SYNPO: variants seen among roughly 807,000 people sequenced by gnomAD.
The protein encoded by SYNPO is synaptopodin.
Under a neutral mutation model 49.5 loss-of-function variants are expected in SYNPO, and 19 were observed. The observed-to-expected ratio is 0.38, with a 90% confidence interval of 0.27 to 0.56. The LOEUF (loss-of-function observed/expected upper bound fraction) is 0.56. Among genes scored for constraint, SYNPO ranks in the 20% least tolerant of loss-of-function variants. The probability of loss-of-function intolerance (pLI) is 0.68; values close to 1 mark genes in which losing one functional copy is unlikely to be tolerated. For missense variants in SYNPO, 1,131 were observed against 1,248.3 expected (o/e 0.91, Z 1.42); for synonymous variants, 536 against 548.0 (o/e 0.98, Z 0.31).
chr5:150,626,841 G>T (rs1051140472), intron 2 of SYNPO, among the ~76,000 whole-genome samples: 3 of 152,172 alleles, frequency 2.0e-5, no homozygotes, highest in African/African-American at 4.8e-5. Flanking sequence ...TTGGGAAAGA[G>T]CACATCCTTA....
At chr5:150,624,638 G>C (rs1439294267) in intron 2 of SYNPO, 2 of 162,366 alleles carry the variant, frequency 1.2e-5, no homozygotes, top group Admixed American at 1.3e-4. Context: ...CGGGAGGGGC[G>C]GCGCTAGGGC....
Position 150,648,252 on chromosome 5 carries a change from G to A in SYNPO, c.-24G>A, listed in dbSNP as rs78583075. Reference sequence around the variant, plus strand: ...ACGGCACCCCAGTCCCCAGAGCCCCGACAGAGGGGTCCCTGGCCACAGCAT... The same window carrying A: ...ACGGCACCCCAGTCCCCAGAGCCCCAACAGAGGGGTCCCTGGCCACAGCAT... On this transcript the variant is annotated 5_prime_UTR_variant, in exon 2 of 3. Transcript: ENST00000307662. This position sits in a 1 kb window ranked among gnomAD's most constrained non-coding sequence, Gnocchi z 5.0. 3.7e-4 allele frequency: 597 copies of A among 1,613,958 alleles called. 2 individuals are homozygous for A. The East Asian group carries it at 9.9e-3, about 27-fold the overall frequency.
intron 1 of SYNPO, among the ~76,000 whole-genome samples, chr5:150,616,847 C>A (rs373780086): frequency 6.6e-6 from 1 of 152,210 alleles, no homozygotes; most frequent in African/African-American, 2.4e-5. Flanking sequence ...CCTCACCACC[C>A]CTTACAGAAA....
intron 1 of SYNPO, among the ~76,000 whole-genome samples, chr5:150,602,997 G>GGT (rs3062133): frequency 0.36 from 47,515 of 130,958 alleles, 9,163 homozygotes; most frequent in Non-Finnish European, 0.45. Context: ...GCCACCTTAG[G>GGT]GTGTGTGTGT....
At chr5:150,588,923 A>G in the SYNPO span, among the ~76,000 whole-genome samples, 1 of 152,188 alleles carries the variant, frequency 6.6e-6, no homozygotes, top group Non-Finnish European at 1.5e-5. Context: ...CCTTCTTGAG[A>G]AGCAAACCCT....
chr5:150,648,568 A>G lies in SYNPO; in HGVS notation c.293A>G (p.Gln98Arg). Reference protein sequence around the residue: ...SHNPPATDVNQNPPATVVPQS... With the variant: ...SHNPPATDVNRNPPATVVPQS... Reference sequence around the variant, plus strand: ...AATCCGCCAGCCACCGATGTCAATCAGAACCCACCGGCAACTGTTGTCCCA... The same window carrying G: ...AATCCGCCAGCCACCGATGTCAATCGGAACCCACCGGCAACTGTTGTCCCA... The change falls in exon 2 of 3, where the codon CAG becomes CGG. Residue 98 changes from glutamine (Q) to arginine (R), a missense_variant. Gln to Arg is a conservative substitution (Grantham distance 43, BLOSUM62 1). Around this residue, in one of 4 missense-constraint regions of SYNPO, gnomAD observed 602 missense variants for 720.7 expected, o/e 0.84. Coordinates refer to ENST00000307662, the MANE Select transcript of SYNPO (RefSeq NM_007286.6). This position sits in a 1 kb window ranked among gnomAD's most constrained non-coding sequence, Gnocchi z 5.0. 1 of 1,614,200 alleles carries G rather than the reference A, an allele frequency of 6.2e-7. No homozygotes were observed. Among genetic ancestry groups the G allele is most frequent in the Non-Finnish European group, 8.5e-7 (1 of 1,180,032 alleles).
In SYNPO at chr5:150,656,925, C is replaced by G; in HGVS notation, c.2550C>G (p.Leu850=). Residue 850 remains leucine, a synonymous_variant, in exon 3 of 3, where the codon CTC becomes CTG. Coordinates refer to ENST00000307662, the MANE Select transcript of SYNPO (RefSeq NM_007286.6). ...SPLPAPPRPF[L]YRRSPTDSDV... ...TGCCCGCGCCTCCCAGGCCCTTCCTCTACCGCCGCTCGCCCACGGACTCCG... is the reference window on the plus strand; with the variant it reads ...TGCCCGCGCCTCCCAGGCCCTTCCTGTACCGCCGCTCGCCCACGGACTCCG... 6.3e-7 allele frequency: 1 copy of G among 1,580,046 alleles called. No individual in the cohort carries two copies. The highest frequency in any genetic ancestry group is 8.6e-7 in the Non-Finnish European group (1 of 1,163,862).
intron 2 of SYNPO, among the ~76,000 whole-genome samples, chr5:150,626,268 T>G (rs1274753847): frequency 1.3e-5 from 2 of 152,034 alleles, no homozygotes; most frequent in African/African-American, 4.8e-5. Context: ...CTCAGGGGAG[T>G]TGAAAACCCC....
In SYNPO at chr5:150,603,095, C is replaced by G. The variant is rs144820443; in HGVS notation, c.-266+1907C>G. Among the ~76,000 whole-genome samples the G allele has an allele frequency of 5.0e-3, 756 of 150,722 alleles. 4 individuals are homozygous for G. Among genetic ancestry groups the G allele is most frequent in the African/African-American group, 0.017 (698 of 40,812 alleles). On this transcript the variant is annotated intron_variant, in intron 1 of 2. Transcript: ENST00000394243. ...GGGGCAGGGGATGGAATGCGCAGAG[C>G]TGGGGAAAAGATCAGCCATCCTGAG...
At chr5:150,636,929 C>T (rs955467597), upstream of SYNPO, among the ~76,000 whole-genome samples, 3 of 152,160 alleles carry the variant, frequency 2.0e-5, no homozygotes, top group African/African-American at 7.2e-5. Flanking sequence ...TCGAGTTACG[C>T]AGAGGTGGGT....
chr5:150,588,043 GTAA>G, the SYNPO span, among the ~76,000 whole-genome samples: 1 of 152,312 alleles, frequency 6.6e-6, no homozygotes, highest in South Asian at 2.1e-4. Context: ...GCCCCTAGGG[GTAA>G]AGTGAAGTAA....
At chr5:150,610,469 A>G (rs1230359519) in intron 1 of SYNPO, among the ~76,000 whole-genome samples, 1 of 152,170 alleles carries the variant, frequency 6.6e-6, no homozygotes, top group African/African-American at 2.4e-5. Context: ...TGCTTCCTCA[A>G]TCTGTTAACT....
chr5:150,654,849 G>A (rs1758503235), intron 2 of SYNPO, among the ~76,000 whole-genome samples: 1 of 152,268 alleles, frequency 6.6e-6, no homozygotes, highest in South Asian at 2.1e-4. Context: ...TAGTCGGCCA[G>A]GCGCGGTGGC....
upstream of SYNPO, among the ~76,000 whole-genome samples, chr5:150,599,836 G>C (rs1314727897): frequency 1.3e-5 from 2 of 152,166 alleles, no homozygotes; most frequent in Non-Finnish European, 2.9e-5. Flanking sequence ...TAAGTGTCAA[G>C]CACTGTGTTA....
chr5:150,602,898 G>T (rs1348668951), intron 1 of SYNPO, among the ~76,000 whole-genome samples: 1 of 152,012 alleles, frequency 6.6e-6, no homozygotes, highest in African/African-American at 2.4e-5. Flanking sequence ...AGGGCCTGAA[G>T]GTGTGATCTG....
At chr5:150,633,462 A>G (rs1490170431) in intron 2 of SYNPO, among the ~76,000 whole-genome samples, 2 of 152,208 alleles carry the variant, frequency 1.3e-5, no homozygotes, top group Non-Finnish European at 2.9e-5. Context: ...CTGGAAGGAA[A>G]TTAACTGGTT....
At chr5:150,619,688 G>A (rs1450676890) in intron 2 of SYNPO, among the ~76,000 whole-genome samples, 1 of 152,152 alleles carries the variant, frequency 6.6e-6, no homozygotes, top group South Asian at 2.1e-4. Flanking sequence ...CAGGGCATGC[G>A]GGGGACACAG....
intron 2 of SYNPO, among the ~76,000 whole-genome samples, chr5:150,633,608 G>T (rs1231176381): frequency 6.6e-6 from 1 of 152,188 alleles, no homozygotes. Flanking sequence ...CCCCGAGGTG[G>T]GGCACCTCAT....
In SYNPO at chr5:150,658,092, T is replaced by C. The variant is rs1018390262; in HGVS notation, c.*1005T>C. On this transcript the variant is annotated 3_prime_UTR_variant, in exon 3 of 3. Coordinates refer to ENST00000307662, the MANE Select transcript of SYNPO (RefSeq NM_007286.6). The stretch of plus-strand genomic sequence containing the variant: ...AAAGAGTTACTTGTTACGGGAAATA[T>C]GAAAAGCATGGCCAGGATGCATAGA... The C allele has an allele frequency of 3.3e-5, 5 of 152,440 alleles. No individual in the cohort carries two copies. The highest frequency in any genetic ancestry group is 3.3e-4 in the Admixed American group (5 of 15,294). 9.4% of individuals were successfully genotyped at this position (152,440 alleles called of 1,614,324 possible).
Sources: allele counts gnomAD v4.1 joint callset (sites outside exome capture counted in the v4.1 genomes callset), GRCh38; gene constraint gnomAD v4.1.1; regional missense constraint gnomAD v4.1.1; non-coding constraint Gnocchi (gnomAD v3.1); transcripts MANE v1.5; gene names NCBI Gene and HGNC (gene_info 2026-07-23, HGNC 2026-07-21).